The following TNS1 variants were observed in gnomAD, a reference collection of about 807,000 sequenced individuals.
The protein encoded by TNS1 is tensin 1.
TNS1 carries 62 observed loss-of-function variants against 168.6 expected under a neutral mutation model. That is an observed-to-expected ratio of 0.37 (90% CI 0.30 to 0.45). The LOEUF is 0.45. Among genes scored for constraint, TNS1 ranks in the 20% least tolerant of loss-of-function variants. The pLI is 1.00. For missense variants in TNS1, 2,240 were observed against 2,339.4 expected (o/e 0.96, Z 0.88); for synonymous variants, 934 against 933.2 (o/e 1.00, Z -0.02).
intron 4 of TNS1, among the ~76,000 whole-genome samples, 191 bp downstream of exon 4, chr2:217,920,004 T>A (rs1268020963): frequency 6.6e-6 from 1 of 152,212 alleles, no homozygotes; most frequent in South Asian, 2.1e-4. Flanking sequence ...AGGCACTGCA[T>A]CTCATCAGAA....
At chr2:218,004,114 C>T (rs1446918969), upstream of TNS1, among the ~76,000 whole-genome samples, 1 of 152,200 alleles carries the variant, frequency 6.6e-6, no homozygotes, top group Admixed American at 6.5e-5. Context: ...CAGTGAATCA[C>T]CCGCTCTGTT....
chr2:217,945,397 T>A (rs1480399434), intron 3 of TNS1, among the ~76,000 whole-genome samples: 1 of 152,158 alleles, frequency 6.6e-6, no homozygotes, highest in Non-Finnish European at 1.5e-5. Context: ...TGGCCAGTAC[T>A]TTGGAGGGCT....
At chr2:217,824,089 C>T (rs1444802317) in intron 22 of TNS1, among the ~76,000 whole-genome samples, 6 of 152,220 alleles carry the variant, frequency 3.9e-5, no homozygotes, top group African/African-American at 1.4e-4. Context: ...TGCAACTACA[C>T]AACTCTGCTG....
chr2:217,974,569 C>G (rs752265333), intron 3 of TNS1, among the ~76,000 whole-genome samples: 1 of 152,148 alleles, frequency 6.6e-6, no homozygotes, highest in Non-Finnish European at 1.5e-5. Context: ...GACTATGAGC[C>G]GGCACCGAGG....
chr2:217,858,970 C>CCCCAGT (rs1948515904), intron 18 of TNS1, among the ~76,000 whole-genome samples: 1 of 142,744 alleles, frequency 7.0e-6, no homozygotes, highest in African/African-American at 2.7e-5. Flanking sequence ...CCAGCCCCAG[C>CCCCAGT]CCCAGCCCCA....
intron 3 of TNS1, among the ~76,000 whole-genome samples, chr2:217,954,109 C>A (rs550771830): frequency 6.6e-6 from 1 of 152,196 alleles, no homozygotes; most frequent in African/African-American, 2.4e-5. Context: ...CCAGGCTCTC[C>A]TTGTCTCTCC....
intron 8 of TNS1, among the ~76,000 whole-genome samples, chr2:217,897,151 G>A (rs1247764334): frequency 6.6e-6 from 1 of 152,138 alleles, no homozygotes; most frequent in Admixed American, 6.5e-5. Flanking sequence ...CAGTCCACAG[G>A]CACCTCCCTC....
intron 22 of TNS1, chr2:217,830,315 T>A (rs1338531819): frequency 1.2e-6 from 2 of 1,612,298 alleles, no homozygotes; most frequent in East Asian, 4.5e-5. Flanking sequence ...TGGGAGGCTA[T>A]GCCCAGCTGC....
At chr2:217,849,635 C>T in intron 18 of TNS1, 1 of 984,712 alleles carries the variant, frequency 1.0e-6, no homozygotes, top group Non-Finnish European at 1.2e-6. Flanking sequence ...ATTTCCAAAG[C>T]ATCCTCAGTC....
chr2:217,849,541 A>G (rs1211432443), intron 18 of TNS1: 2 of 567,028 alleles, frequency 3.5e-6, no homozygotes, highest in Non-Finnish European at 4.5e-6. Context: ...ACATGCTGAG[A>G]CCAGTTCCTG....
intron 21 of TNS1, among the ~76,000 whole-genome samples, chr2:217,833,462 AC>A (rs1944737494): frequency 6.6e-6 from 1 of 152,248 alleles, no homozygotes; most frequent in East Asian, 1.9e-4. Context: ...TCACCGAGGT[AC>A]CCATGGCTGG....
chr2:217,841,151 G>C, intron 19 of TNS1: 1 of 902,630 alleles, frequency 1.1e-6, no homozygotes, highest in Non-Finnish European at 1.3e-6. Context: ...ATGCTCAAAA[G>C]TGGGCCAAAG....
At chr2:217,868,964 T>C (rs1949528077) in intron 18 of TNS1, among the ~76,000 whole-genome samples, 1 of 152,224 alleles carries the variant, frequency 6.6e-6, no homozygotes, top group African/African-American at 2.4e-5. Flanking sequence ...AGGTCTTGTG[T>C]CAGGGAGAGG....
At chr2:217,993,231 C>T (rs1239567670) in intron 1 of TNS1, among the ~76,000 whole-genome samples, 1 of 152,208 alleles carries the variant, frequency 6.6e-6, no homozygotes, top group Non-Finnish European at 1.5e-5. Context: ...CAGAAGGTAT[C>T]CCCATTGTTA....
At chr2:217,940,038 G>C (rs1956833704) in intron 3 of TNS1, among the ~76,000 whole-genome samples, 1 of 152,276 alleles carries the variant, frequency 6.6e-6, no homozygotes, top group Non-Finnish European at 1.5e-5. Flanking sequence ...GTCACCAGGG[G>C]ATGTGGGCAA....
At chr2:217,977,893 A>G (rs1049609288) in intron 3 of TNS1, among the ~76,000 whole-genome samples, 1 of 152,218 alleles carries the variant, frequency 6.6e-6, no homozygotes. Flanking sequence ...GAGGGTTACA[A>G]GCAACAATGG....
chr2:217,980,662 G>A (rs773828877), intron 2 of TNS1, among the ~76,000 whole-genome samples: 17 of 152,144 alleles, frequency 1.1e-4, no homozygotes, highest in East Asian at 1.9e-4. Context: ...CTCTCAGATC[G>A]TTCCTGAGCT....
intron 18 of TNS1, among the ~76,000 whole-genome samples, chr2:217,858,162 C>T (rs1159391836): frequency 6.6e-6 from 1 of 152,142 alleles, no homozygotes; most frequent in Non-Finnish European, 1.5e-5. Context: ...CATTCGCGCA[C>T]AAGACGAACC....
chr2:217,880,048 C>T lies in TNS1; in HGVS notation c.1429+850G>A, dbSNP rs1950545800. ...GGGCTGGACCATCCTGAAGGTCCTC[C>T]CAGCTCCAACATTCTGCAGTCCTAC... On this transcript the variant is annotated intron_variant, in intron 18 of 32. Transcript: ENST00000682258. This position sits in a 1 kb window ranked among gnomAD's most constrained non-coding sequence, Gnocchi z 4.2. 6.6e-6 allele frequency among the ~76,000 whole-genome samples: 1 copy of T among 152,184 alleles called. No individual in the cohort carries two copies. The highest frequency in any genetic ancestry group is 2.4e-5 in the African/African-American group (1 of 41,442).
Sources: gnomAD v4.1 joint callset for allele counts (sites outside exome capture counted in the v4.1 genomes callset) on GRCh38, gnomAD v4.1.1 for gene constraint, Gnocchi (gnomAD v3.1) non-coding constraint, MANE v1.5 for transcripts, NCBI Gene and HGNC (gene_info 2026-07-23, HGNC 2026-07-21) for gene names.